SYT16: variants seen among roughly 807,000 people sequenced by gnomAD.
SYT16 encodes the protein synaptotagmin 16.
Under a neutral mutation model 61.4 loss-of-function variants are expected in SYT16, and 42 were observed. The ratio of observed to expected loss-of-function variants is 0.68; its 90% CI spans 0.53 to 0.89. The LOEUF (loss-of-function observed/expected upper bound fraction) is 0.89, where lower values mean the gene tolerates loss of function less well. Among genes scored for constraint, SYT16 ranks in the 40% least tolerant of loss-of-function variants. SYT16 has a pLI of 0.00. For missense variants in SYT16, 804 were observed against 807.3 expected, an observed-to-expected ratio of 1.00 and a Z score of 0.05; for synonymous variants, 314 against 302.3, an observed-to-expected ratio of 1.04 and a Z score of -0.40.
At chr14:62,080,103 A>T (rs183249005) in intron 5 of SYT16, among the ~76,000 whole-genome samples, 3 of 152,154 alleles carry the variant, frequency 2.0e-5, no homozygotes, top group Non-Finnish European at 4.4e-5. Flanking sequence ...TATGATTTCA[A>T]TTTAGGTGTT....
chr14:61,874,330 C>T (rs140191939), intron 1 of SYT16, among the ~76,000 whole-genome samples: 1 of 152,266 alleles, frequency 6.6e-6, no homozygotes, highest in African/African-American at 2.4e-5. Context: ...TCCTACCAGA[C>T]AGCATTTGCG....
At chr14:62,034,635 A>G (rs1008823344) in intron 3 of SYT16, among the ~76,000 whole-genome samples, 1 of 149,766 alleles carries the variant, frequency 6.7e-6, no homozygotes, top group Admixed American at 6.7e-5. Flanking sequence ...TTTATATGCA[A>G]TGTCCACAAT....
chr14:61,929,283 C>T (rs893737815), intron 1 of SYT16, among the ~76,000 whole-genome samples: 1 of 152,126 alleles, frequency 6.6e-6, no homozygotes, highest in East Asian at 1.9e-4. Context: ...CTGTTGGAGT[C>T]GCTGGAGGTT....
intron 1 of SYT16, among the ~76,000 whole-genome samples, chr14:61,832,672 A>C (rs1385589792): frequency 1.3e-5 from 2 of 152,174 alleles, no homozygotes; most frequent in Admixed American, 1.3e-4. Context: ...ACCTGACCTC[A>C]GGTGATCCGC....
Position 61,887,296 on chromosome 14 carries a change from C to A in SYT16, c.-325+74486C>A, listed in dbSNP as rs1408526627. Among the ~76,000 whole-genome samples, 10 of 152,158 alleles carry A rather than the reference C, an allele frequency of 6.6e-5. 1 individual carries two copies. The highest frequency in any genetic ancestry group is 4.6e-4 in the Admixed American group (7 of 15,272). ...ATTCTATAAACAGATATGCTGTCAT[C>A]CAGGCTTTGTTGTTTTATTTCTAGA... On this transcript the variant is annotated intron_variant, in intron 1 of 7. Coordinates refer to ENST00000683842, the MANE Select transcript of SYT16 (RefSeq NM_001367656.1).
intron 4 of SYT16, 75 bp from the exon 5 acceptor site, chr14:62,075,060 C>T (rs764478920): frequency 2.7e-6 from 4 of 1,468,340 alleles, no homozygotes; most frequent in Non-Finnish European, 3.7e-6. Context: ...GTTGTGACTG[C>T]AATTACTCAA....
At chr14:62,038,910 G>T (rs117820569) in intron 3 of SYT16, among the ~76,000 whole-genome samples, 10 of 152,160 alleles carry the variant, frequency 6.6e-5, no homozygotes, top group African/African-American at 1.7e-4. Context: ...TAAACGTTGC[G>T]TAGAGTTCTT....
chr14:62,014,113 C>T (rs2053573552), intron 3 of SYT16, among the ~76,000 whole-genome samples: 2 of 152,114 alleles, frequency 1.3e-5, no homozygotes, highest in South Asian at 2.1e-4. Flanking sequence ...ATATTTGGTT[C>T]CCTCTTATGC....
intron 3 of SYT16, among the ~76,000 whole-genome samples, chr14:62,039,608 A>G (rs1433012337): frequency 6.6e-6 from 1 of 152,190 alleles, no homozygotes; most frequent in Non-Finnish European, 1.5e-5. Context: ...TAATGAATTT[A>G]ATACATTTTT....
At chr14:61,880,332 C>A (rs2047655312) in intron 1 of SYT16, among the ~76,000 whole-genome samples, 1 of 152,218 alleles carries the variant, frequency 6.6e-6, no homozygotes, top group Non-Finnish European at 1.5e-5. Flanking sequence ...CAGAGCATCT[C>A]TGTGACCACA....
At chr14:62,045,647 T>G (rs1003360568) in intron 3 of SYT16, among the ~76,000 whole-genome samples, 2 of 152,018 alleles carry the variant, frequency 1.3e-5, no homozygotes, top group Admixed American at 1.3e-4. Context: ...GTTCCCCTTC[T>G]TGTGTCCATG....
At position 61,855,436 on chromosome 14, in the gene SYT16, A is replaced by C. The variant is rs1009740636; in HGVS notation, c.-325+42626A>C. Among the ~76,000 whole-genome samples the C allele has an allele frequency of 1.5e-4, 23 of 152,354 alleles. No homozygotes were observed. In the East Asian group the frequency reaches 2.5e-3, roughly 17 times the overall value. On this transcript the variant is annotated intron_variant, in intron 1 of 7. Coordinates refer to ENST00000683842, the MANE Select transcript of SYT16 (RefSeq NM_001367656.1). ...TCATAGTTTAGCCTACACTACCTTT[A>C]ATATGCTCACAACACTTATACTGGC...
At chr14:62,051,502 C>T (rs2055294325) in intron 3 of SYT16, among the ~76,000 whole-genome samples, 1 of 152,204 alleles carries the variant, frequency 6.6e-6, no homozygotes. Flanking sequence ...TGGCACTACC[C>T]AGTGAGATGA....
chr14:61,879,729 A>T (rs1365253672), intron 1 of SYT16, among the ~76,000 whole-genome samples: 2 of 152,124 alleles, frequency 1.3e-5, no homozygotes, highest in African/African-American at 4.8e-5. Flanking sequence ...TTACTAGTTT[A>T]GATTTCACAT....
intron 2 of SYT16, among the ~76,000 whole-genome samples, chr14:61,978,008 C>T (rs2051892103): frequency 6.6e-6 from 1 of 152,144 alleles, no homozygotes. Flanking sequence ...CATTCTTTGT[C>T]TTGTGGCTGT....
At chr14:61,881,566 T>C (rs1021290276) in intron 1 of SYT16, among the ~76,000 whole-genome samples, 3 of 152,212 alleles carry the variant, frequency 2.0e-5, no homozygotes, top group Admixed American at 6.5e-5. Flanking sequence ...CTTCAATTTT[T>C]TGCATTTGGG....
chr14:61,843,688 C>T (rs1352421183), intron 1 of SYT16, among the ~76,000 whole-genome samples: 1 of 152,126 alleles, frequency 6.6e-6, no homozygotes, highest in Non-Finnish European at 1.5e-5. Flanking sequence ...ATGCTCTTGG[C>T]ACCTTTGTCC....
intron 2 of SYT16, among the ~76,000 whole-genome samples, chr14:61,985,916 A>G (rs2052286851): frequency 6.6e-6 from 1 of 152,206 alleles, no homozygotes. Flanking sequence ...GGCTACCAAC[A>G]GTAGTAACAA....
chr14:62,081,957 G>T (rs1017134375), intron 6 of SYT16, among the ~76,000 whole-genome samples: 1 of 152,174 alleles, frequency 6.6e-6, no homozygotes, highest in African/African-American at 2.4e-5. Context: ...AGGCAAAGTG[G>T]ATGCAGGAAA....
Sources: gnomAD v4.1 joint callset for allele counts (sites outside exome capture counted in the v4.1 genomes callset) on GRCh38, gnomAD v4.1.1 for gene constraint, MANE v1.5 for transcripts, NCBI Gene and HGNC (gene_info 2026-07-23, HGNC 2026-07-21) for gene names.